Variants in PREPL observed in about 807,000 individuals in gnomAD.
The protein encoded by PREPL is prolyl endopeptidase-like.
PREPL carries 77 observed loss-of-function variants against 70.6 expected under a neutral mutation model. That is an observed-to-expected ratio of 1.09 (90% CI 0.91 to 1.32). The LOEUF is 1.32. Among genes scored for constraint, PREPL ranks in the 40% most tolerant of loss-of-function variants. The pLI is 0.00. For synonymous variants in PREPL, 315 were observed against 264.8 expected, an observed-to-expected ratio of 1.19 and a Z score of -1.84; for missense variants, 1,002 against 778.2, an observed-to-expected ratio of 1.29 and a Z score of -3.42.
chr2:44,347,716 C>T (rs1332959478), intron 1 of PREPL, among the ~76,000 whole-genome samples: 3 of 152,198 alleles, frequency 2.0e-5, no homozygotes, highest in Non-Finnish European at 4.4e-5. Context: ...GACAATTGTA[C>T]AGTGATTTGT....
intron 12 of PREPL, 83 bp downstream of exon 12, chr2:44,322,648 A>G: frequency 6.7e-7 from 1 of 1,490,118 alleles, no homozygotes; most frequent in Admixed American, 2.3e-5. Context: ...ATTTGGCTAC[A>G]GCCTGAAATA....
chr2:44,330,820 T>C (rs1674013501), intron 8 of PREPL, among the ~76,000 whole-genome samples: 3 of 152,254 alleles, frequency 2.0e-5, no homozygotes, highest in Admixed American at 6.5e-5. Context: ...TTGTATATTC[T>C]GTATATTGAG....
intron 10 of PREPL, among the ~76,000 whole-genome samples, chr2:44,324,630 C>T (rs1265163958): frequency 6.6e-6 from 1 of 152,070 alleles, no homozygotes; most frequent in Non-Finnish European, 1.5e-5. Context: ...GTAATCCCAG[C>T]ACATTGGGAG....
intron 7 of PREPL, 148 bp from the exon 8 acceptor site, chr2:44,332,804 CACA>C (rs1328122739): frequency 9.7e-6 from 6 of 619,286 alleles, no homozygotes; most frequent in African/African-American, 3.7e-5. Flanking sequence ...ATTACTTTAT[CACA>C]ACAACATACA....
Position 44,361,435 on chromosome 2 carries a change from G to A in PREPL, c.-104C>T, listed in dbSNP as rs990295871. The A allele has an allele frequency of 1.3e-5, 2 of 152,494 alleles. No individual in the cohort carries two copies. Among genetic ancestry groups the A allele is most frequent in the African/African-American group, 2.4e-5 (1 of 41,456 alleles). The allele number at this position is 152,494 out of a possible 1,614,324, so 9.4% of individuals were successfully genotyped here. On this transcript the variant is annotated 5_prime_UTR_variant, in exon 1 of 14. Transcript: ENST00000409411. ...CACAAACCAGTGAAGGCAGGCCGGA[G>A]AACCTGAAGCTCTCAGAGGGGAGCA... is the stretch of plus-strand genomic sequence containing the variant.
chr2:44,320,608 G>T lies in PREPL; in HGVS notation c.*748C>A. ...GTTTCCAATCGAGCATGCTATTCCA[G>T]TGTACTGAACATACTGTATACCTCG... On this transcript the variant is annotated 3_prime_UTR_variant, in exon 14 of 14. Coordinates refer to ENST00000409411, the MANE Select transcript of PREPL (RefSeq NM_001171613.2). 1.9e-6 allele frequency: 3 copies of T among 1,613,948 alleles called. No homozygotes were observed. Among genetic ancestry groups the T allele is most frequent in the South Asian group, 2.2e-5 (2 of 91,068 alleles).
chr2:44,361,650 T>C (rs952623427), upstream of PREPL: 22 of 219,334 alleles, frequency 1.0e-4, no homozygotes, highest in African/African-American at 4.1e-4. Context: ...GGTTCTTTAG[T>C]CTCGAAATAT....
intron 4 of PREPL, among the ~76,000 whole-genome samples, chr2:44,343,076 T>C (rs1675402062): frequency 6.6e-6 from 1 of 152,206 alleles, no homozygotes; most frequent in African/African-American, 2.4e-5. Context: ...ACAGTGATTG[T>C]AAGTCATCAT....
chr2:44,346,145 T>C (rs1572901711), intron 2 of PREPL, 123 bp downstream of exon 2: 3 of 855,556 alleles, frequency 3.5e-6, no homozygotes, highest in South Asian at 2.0e-5. Context: ...TTTTTCAGCA[T>C]ATTTTAAAGG....
At chr2:44,339,044 C>T (rs1674936602) in intron 6 of PREPL, 103 bp downstream of exon 6, 3 of 1,503,520 alleles carry the variant, frequency 2.0e-6, no homozygotes, top group South Asian at 2.6e-5. Context: ...AGGAAGGTGG[C>T]ATCAATTTAT....
At chr2:44,346,489 T>C in intron 1 of PREPL, 99 bp from the exon 2 acceptor site, 2 of 1,038,268 alleles carry the variant, frequency 1.9e-6, no homozygotes, top group South Asian at 1.5e-5. Context: ...CTTAACGTTG[T>C]ACAAAAAAGA....
intron 7 of PREPL, among the ~76,000 whole-genome samples, chr2:44,334,509 A>G (rs962119136): frequency 6.6e-6 from 1 of 152,166 alleles, no homozygotes; most frequent in African/African-American, 2.4e-5. Context: ...TACGAGGCAA[A>G]TATGTGAAGG....
intron 4 of PREPL, among the ~76,000 whole-genome samples, chr2:44,343,517 CTAATTA>C (rs1257719547): frequency 6.6e-6 from 1 of 152,120 alleles, no homozygotes; most frequent in African/African-American, 2.4e-5. Context: ...GACATGGACT[CTAATTA>C]TAACACTTTT....
chr2:44,322,875 G>C (rs761135987), intron 11 of PREPL, 21 bp from the exon 12 acceptor site: 1 of 1,610,568 alleles, frequency 6.2e-7, no homozygotes, highest in Non-Finnish European at 8.5e-7. Flanking sequence ...ATACATGCAC[G>C]AAGAGTTTAC....
rs138901308 is a variant in PREPL, at chr2:44,333,258, G to A, written c.889-602C>T. Among the ~76,000 whole-genome samples the A allele has an allele frequency of 4.5e-4, 69 of 152,268 alleles. No homozygotes were observed. The South Asian group carries it at 4.8e-3, about 11-fold the overall frequency. On this transcript the variant is annotated intron_variant, in intron 7 of 13. Coordinates refer to ENST00000409411, the MANE Select transcript of PREPL (RefSeq NM_001171613.2). ...GCACATCTACTCTGAGAGACTCACA[G>A]CTATTATACTCAAGGTTCTTAACTT...
At chr2:44,337,521 C>T (rs1347854189) in intron 7 of PREPL, among the ~76,000 whole-genome samples, 1 of 152,148 alleles carries the variant, frequency 6.6e-6, no homozygotes, top group African/African-American at 2.4e-5. Context: ...ACTGAAATTG[C>T]ATTTTTACAG....
At chr2:44,336,634 C>T (rs1674672897) in intron 7 of PREPL, among the ~76,000 whole-genome samples, 1 of 151,862 alleles carries the variant, frequency 6.6e-6, no homozygotes, top group South Asian at 2.1e-4. Context: ...CTGTGGCAGA[C>T]AATTTATCTA....
intron 1 of PREPL, among the ~76,000 whole-genome samples, chr2:44,361,005 A>G (rs1048300819): frequency 2.6e-5 from 4 of 152,128 alleles, no homozygotes; most frequent in African/African-American, 9.7e-5. Context: ...GGGGAGCAAC[A>G]CTAGTTTACT....
At position 44,338,555 on chromosome 2, in the gene PREPL, G is replaced by T; in HGVS notation, c.703-19C>A. 6.3e-7 allele frequency: 1 copy of T among 1,585,752 alleles called. No individual in the cohort carries two copies. On this transcript the variant is annotated intron_variant, in intron 6 of 13. Transcript: ENST00000409411. ...TCATTAGCTACGTGGAACAAAGTTA[G>T]AAGACATATAGGTAAGAAAACACGA...
Sources: gnomAD v4.1 joint callset for allele counts (sites outside exome capture counted in the v4.1 genomes callset) on GRCh38, gnomAD v4.1.1 for gene constraint, MANE v1.5 for transcripts, NCBI Gene and HGNC (gene_info 2026-07-23, HGNC 2026-07-21) for gene names.